NOP16: variants seen among roughly 807,000 people sequenced by gnomAD.
NOP16 encodes the protein nucleolar protein 16.
Under a neutral mutation model 22.7 loss-of-function variants are expected in NOP16, and 14 were observed. The ratio of observed to expected loss-of-function variants is 0.62; its 90% confidence interval spans 0.41 to 0.97. The LOEUF (loss-of-function observed/expected upper bound fraction) is 0.97. NOP16 is among the 50% of genes least tolerant of loss of function. The pLI is 0.00. For synonymous variants in NOP16, 80 were observed against 83.6 expected (o/e 0.96, Z 0.23); for missense variants, 198 against 235.9 (o/e 0.84, Z 1.05).
Position 176,384,087 on chromosome 5 carries a change from T to C in NOP16, c.*144A>G. Reference sequence around the variant, plus strand: ...AGTTCCTTCCCCAGAGCGGGGAGTGTGCACGTGTGTGTGTAACCTTCTGAT... The same window carrying C: ...AGTTCCTTCCCCAGAGCGGGGAGTGCGCACGTGTGTGTGTAACCTTCTGAT... On this transcript the variant is annotated 3_prime_UTR_variant, in exon 5 of 5. Coordinates refer to ENST00000614830, the MANE Select transcript of NOP16 (RefSeq NM_016391.8). 1 of 1,599,350 alleles carries C rather than the reference T, an allele frequency of 6.3e-7. No homozygotes were observed. Among genetic ancestry groups the C allele is most frequent in the Non-Finnish European group, 8.5e-7 (1 of 1,177,274 alleles).
chr5:176,386,657 T>G (rs1561782948), intron 3 of NOP16, 183 bp downstream of exon 3: 3 of 697,280 alleles, frequency 4.3e-6, no homozygotes, highest in Non-Finnish European at 7.9e-6. Flanking sequence ...GGTCAGGGTT[T>G]AGTCAGTACA....
intron 2 of NOP16, among the ~76,000 whole-genome samples, chr5:176,388,027 G>A (rs992931433): frequency 2.6e-5 from 4 of 152,210 alleles, no homozygotes; most frequent in Admixed American, 2.6e-4. Context: ...AGTAGAGGGG[G>A]TATGGGGAAT....
intron 3 of NOP16, 151 bp from the exon 4 acceptor site, chr5:176,385,478 T>C: frequency 1.6e-6 from 1 of 614,642 alleles, no homozygotes; most frequent in Non-Finnish European, 2.9e-6. Context: ...CCCAAATCCA[T>C]TGTTGGAACC....
In NOP16 at chr5:176,386,416, G is replaced by C. The variant is rs1017686842; in HGVS notation, c.286+424C>G. 8 of 278,552 alleles carry C rather than the reference G, an allele frequency of 2.9e-5. No individual in the cohort carries two copies. In the Admixed American group the frequency reaches 3.4e-4, roughly 12 times the overall value. 17.3% of individuals were successfully genotyped at this position (278,552 alleles called of 1,614,324 possible). On this transcript the variant is annotated intron_variant, in intron 3 of 4. Transcript: ENST00000614830. ...AATTCTAGAGTATTCCCACTTTCCT[G>C]TAGGGTTTACTCTCCTCCGTTTTAG...
Position 176,388,437 on chromosome 5 carries a change from C to G in NOP16, c.103G>C (p.Glu35Gln). Reference protein sequence around the residue: ...NARRKAAPRIECSHIRHAWDH... With the variant: ...NARRKAAPRIQCSHIRHAWDH... The stretch of plus-strand genomic sequence containing the variant: ...CCGGAACCCCAGCCCCCTCACCATT[C>G]GATCCGCGGCGCTGCCTTCCGTCGA... Residue 35 changes from glutamate to glutamine, a missense_variant, in exon 1 of 5, where the codon GAA (glutamate) becomes CAA (glutamine). Transcript: ENST00000614830. 5 of 1,614,148 alleles carry G rather than the reference C, an allele frequency of 3.1e-6. No individual in the cohort carries two copies. Among genetic ancestry groups the G allele is most frequent in the Non-Finnish European group, 4.2e-6 (5 of 1,179,992 alleles).
chr5:176,384,510 G>T, intron 4 of NOP16, 136 bp from the exon 5 acceptor site: 1 of 813,906 alleles, frequency 1.2e-6, no homozygotes, highest in Non-Finnish European at 1.9e-6. Context: ...TGGTGCACCG[G>T]GCACAGTGGC....
At chr5:176,384,782 A>T in intron 4 of NOP16, 1 of 370,598 alleles carries the variant, frequency 2.7e-6, no homozygotes, top group Non-Finnish European at 4.8e-6. Flanking sequence ...AAAAAAGACC[A>T]GGAAGGCCTG....
rs1755651280 is a variant in NOP16 at position 176,384,261 on chromosome 5, A to G, written c.507T>C (p.Ser169=). 6.2e-7 allele frequency: 1 copy of G among 1,614,230 alleles called. No homozygotes were observed. Among genetic ancestry groups the G allele is most frequent in the East Asian group, 2.2e-5 (1 of 44,876 alleles). Residue 169 remains serine (S), a synonymous_variant, in exon 5 of 5, where the codon TCT becomes TCC. Coordinates refer to ENST00000614830, the MANE Select transcript of NOP16 (RefSeq NM_016391.8). ...CCACCTCCATCTTCCTCTTCTGCAA[A>G]GAATCGAGGAAGTCTTGCCACTCTG... ...YPAEWQDFLD[S]LQKRKMEVE is the part of the protein sequence containing the mutation.
Position 176,386,904 on chromosome 5 carries a change from C to T in NOP16, c.222G>A (p.Lys74=), listed in dbSNP as rs1011453221. The change falls in exon 3 of 5, where the codon AAG becomes AAA. Residue 74 remains lysine, a synonymous_variant. Coordinates refer to ENST00000614830, the MANE Select transcript of NOP16 (RefSeq NM_016391.8). The part of the protein sequence containing the change: ...RAVPLRKRKV[K]AMEVDIEERP... ...TCTCCTCTATGTCCACCTCCATGGCCTTCACCTGCAGAGAACAGAGCCCTT... is the reference window on the plus strand; with the variant it reads ...TCTCCTCTATGTCCACCTCCATGGCTTTCACCTGCAGAGAACAGAGCCCTT... The T allele has an allele frequency of 6.2e-6, 10 of 1,613,956 alleles. No homozygotes were observed. Among genetic ancestry groups the T allele is most frequent in the Non-Finnish European group, 1.7e-6 (2 of 1,179,950 alleles).
At chr5:176,387,451 C>T (rs576230809) in intron 2 of NOP16, among the ~76,000 whole-genome samples, 1 of 152,210 alleles carries the variant, frequency 6.6e-6, no homozygotes, top group East Asian at 1.9e-4. Context: ...ATGGGCTTCG[C>T]GAATGAATTT....
At position 176,388,198 on chromosome 5, in the gene NOP16, AAAG is replaced by A. The variant is rs765915681; in HGVS notation, c.216+34_216+36del. The A allele has an allele frequency of 5.1e-5, 75 of 1,463,932 alleles. No homozygotes were observed. The African/African-American group carries it at 7.2e-4, about 14-fold the overall frequency. The allele number at this position is 1,463,932 out of a possible 1,614,324, so 90.7% of individuals were successfully genotyped here. On this transcript the variant is annotated intron_variant, in intron 2 of 4. Coordinates refer to ENST00000614830, the MANE Select transcript of NOP16 (RefSeq NM_016391.8). ...TAGGTCAGTATGGCGGGGGAAGAGT[AAAG>A]AAGACAAGGACCGAGACCCTGCCAT...
rs760330393 is a variant in NOP16, at chr5:176,386,908, A to C, written c.218T>G (p.Val73Gly). The C allele has an allele frequency of 1.2e-6, 2 of 1,613,840 alleles. No homozygotes were observed. Among genetic ancestry groups the C allele is most frequent in the Admixed American group, 3.3e-5 (2 of 59,980 alleles). The change falls in exon 3 of 5, where the codon GTG (valine) becomes GGG (glycine). Residue 73 changes from valine to glycine, a missense_variant and splice_region_variant. Physicochemically the swap from Val to Gly is moderately radical, Grantham distance 109. Transcript: ENST00000614830. ...NRAVPLRKRK[V>G]KAMEVDIEER... Reference sequence around the variant, plus strand: ...CTCTATGTCCACCTCCATGGCCTTCACCTGCAGAGAACAGAGCCCTTGAGA... The same window carrying C: ...CTCTATGTCCACCTCCATGGCCTTCCCCTGCAGAGAACAGAGCCCTTGAGA...
intron 3 of NOP16, chr5:176,386,205 C>T (rs1301654938): frequency 1.3e-5 from 2 of 154,298 alleles, no homozygotes; most frequent in Admixed American, 6.4e-5. Flanking sequence ...AAAAATGTTC[C>T]TCTTTGACTA....
intron 4 of NOP16, chr5:176,384,589 C>T (rs1167104904): frequency 7.0e-6 from 4 of 573,260 alleles, no homozygotes; most frequent in African/African-American, 5.6e-5. Flanking sequence ...GAGTTCCAGG[C>T]CACCCTGGGC....
intron 4 of NOP16, chr5:176,384,665 G>A (rs1755692212): frequency 6.8e-6 from 3 of 442,326 alleles, no homozygotes; most frequent in Non-Finnish European, 1.2e-5. Context: ...AGCTACTTGG[G>A]AGGCCGAGGC....
intron 3 of NOP16, chr5:176,386,552 A>T: frequency 2.1e-6 from 1 of 476,700 alleles, no homozygotes; most frequent in Non-Finnish European, 3.9e-6. Context: ...ATGAGAAGCC[A>T]TACCCATGCC....
Position 176,385,274 on chromosome 5 carries a change from C to A in NOP16, c.340G>T (p.Asp114Tyr). 6.2e-7 allele frequency: 1 copy of A among 1,613,640 alleles called. No individual in the cohort carries two copies. Among genetic ancestry groups the A allele is most frequent in the Non-Finnish European group, 8.5e-7 (1 of 1,179,526 alleles). The change falls in exon 4 of 5, where the codon GAC (aspartate) becomes TAC (tyrosine). Residue 114 changes from aspartate (D) to tyrosine (Y), a missense_variant. Physicochemically the swap from Asp to Tyr is radical, Grantham distance 160 (BLOSUM62 -3). Transcript: ENST00000614830. Reference sequence around the variant, plus strand: ...ATGTAGCGTACATAGTCAATGAGGTCCCGAGACAGAGTATTTCCTTTCTTT... The same window carrying A: ...ATGTAGCGTACATAGTCAATGAGGTACCGAGACAGAGTATTTCCTTTCTTT... ...PEKKGNTLSR[D>Y]LIDYVRYMVE...
intron 4 of NOP16, chr5:176,385,010 T>C: frequency 1.7e-6 from 1 of 582,804 alleles, no homozygotes; most frequent in Non-Finnish European, 3.1e-6. Flanking sequence ...CATTTATCTG[T>C]GAGTGAGACT....
At chr5:176,386,401 T>TGGA (rs1012265179) in intron 3 of NOP16, 54 of 252,254 alleles carry the variant, frequency 2.1e-4, no homozygotes, top group African/African-American at 1.0e-3. Context: ...AATTCTAGAG[T>TGGA]ATTCCCACTT....
Sources: allele counts gnomAD v4.1 joint callset (sites outside exome capture counted in the v4.1 genomes callset), GRCh38; gene constraint gnomAD v4.1.1; transcripts MANE v1.5; gene names NCBI Gene and HGNC (gene_info 2026-07-23, HGNC 2026-07-21).